The following GLIS3 variants were observed in gnomAD, a reference collection of about 807,000 sequenced individuals.
GLIS3 encodes GLIS family zinc finger 3, also known as zinc finger protein GLIS3.
GLIS3 carries 53 observed loss-of-function variants against 78.6 expected under a neutral mutation model. The ratio of observed to expected loss-of-function variants is 0.67; its 90% CI spans 0.54 to 0.85. The LOEUF (loss-of-function observed/expected upper bound fraction) is 0.85, where lower values mean the gene tolerates loss of function less well. Ranked by LOEUF, GLIS3 falls within the 40% of genes least tolerant of loss-of-function variation. The probability of loss-of-function intolerance (pLI) is 0.00; values close to 1 mark genes in which losing one functional copy is unlikely to be tolerated. For missense variants in GLIS3, 1,703 were observed against 1,231.1 expected (o/e 1.38, Z -5.74); for synonymous variants, 684 against 509.9 (o/e 1.34, Z -4.60).
intron 4 of GLIS3, among the ~76,000 whole-genome samples, chr9:4,040,096 C>A (rs1824673590): frequency 6.6e-6 from 1 of 152,088 alleles, no homozygotes; most frequent in Non-Finnish European, 1.5e-5. Flanking sequence ...AGGAAAGCCC[C>A]CTACACAGTC....
intron 4 of GLIS3, among the ~76,000 whole-genome samples, chr9:3,941,378 AT>A (rs892871733): frequency 6.6e-6 from 1 of 151,484 alleles, no homozygotes; most frequent in African/African-American, 2.4e-5. Flanking sequence ...TATTTATTTT[AT>A]TTTTTTTAAA....
chr9:4,466,478 G>A, the GLIS3 span, among the ~76,000 whole-genome samples: 1 of 152,088 alleles, frequency 6.6e-6, no homozygotes, highest in East Asian at 1.9e-4. Context: ...CGAGACAAAG[G>A]CATCACAAGA....
chr9:3,977,035 C>T lies in GLIS3; in HGVS notation c.1711-39846G>A, dbSNP rs192119141. 6.1e-4 allele frequency among the ~76,000 whole-genome samples: 93 copies of T among 152,090 alleles called. No homozygotes were observed. Among genetic ancestry groups the T allele is most frequent in the African/African-American group, 1.6e-3 (65 of 41,520 alleles). On this transcript the variant is annotated intron_variant, in intron 4 of 10. Coordinates refer to ENST00000381971, the MANE Select transcript of GLIS3 (RefSeq NM_001042413.2). The surrounding 1 kb of genome is among the most constrained non-coding windows in gnomAD (Gnocchi z 4.1). ...AAAAATTAGCTAAAATTTCAGATAA[C>T]GCAGCCTTCTGTCATGTTCTCCTAC...
chr9:4,259,551 C>T (rs1388068236), intron 2 of GLIS3, among the ~76,000 whole-genome samples: 2 of 152,194 alleles, frequency 1.3e-5, no homozygotes, highest in East Asian at 1.9e-4. Flanking sequence ...ACTCCCCCCA[C>T]CGCCCACCCC....
chr9:4,286,033 C>G lies in GLIS3; in HGVS notation c.388+5G>C. 6.2e-7 allele frequency: 1 copy of G among 1,614,096 alleles called. No homozygotes were observed. The highest frequency in any genetic ancestry group is 8.5e-7 in the Non-Finnish European group (1 of 1,179,998). On this transcript the variant is annotated splice_donor_5th_base_variant and intron_variant, in intron 2 of 10. Transcript: ENST00000381971. Reference sequence around the variant, plus strand: ...TTTTAAAAGGTTCCAGAAAGACAATCCTACCTTTCCCAGGATTTGGAGGAA... The same window carrying G: ...TTTTAAAAGGTTCCAGAAAGACAATGCTACCTTTCCCAGGATTTGGAGGAA...
chr9:4,468,469 G>C, the GLIS3 span, among the ~76,000 whole-genome samples: 1 of 152,130 alleles, frequency 6.6e-6, no homozygotes, highest in Non-Finnish European at 1.5e-5. Context: ...GAAGAGAGTG[G>C]GGGCCAATAT....
At chr9:3,984,660 G>A (rs1378875398) in intron 4 of GLIS3, among the ~76,000 whole-genome samples, 4 of 152,188 alleles carry the variant, frequency 2.6e-5, no homozygotes, top group Non-Finnish European at 5.9e-5. Context: ...CTCTTGGGAA[G>A]GCATGATTGA....
chr9:4,056,042 C>A (rs546897299), intron 4 of GLIS3, among the ~76,000 whole-genome samples: 3 of 152,238 alleles, frequency 2.0e-5, no homozygotes, highest in African/African-American at 7.2e-5. Flanking sequence ...AATACTAGGC[C>A]CTGTTTAGTT....
intron 2 of GLIS3, among the ~76,000 whole-genome samples, chr9:4,197,976 A>G (rs1252752654): frequency 6.6e-6 from 1 of 152,178 alleles, no homozygotes; most frequent in African/African-American, 2.4e-5. Context: ...GAACAAAAAT[A>G]TATATGGAAA....
At chr9:4,170,299 G>C (rs913544263) in intron 2 of GLIS3, among the ~76,000 whole-genome samples, 1 of 152,188 alleles carries the variant, frequency 6.6e-6, no homozygotes, top group African/African-American at 2.4e-5. Flanking sequence ...ACACAGACTT[G>C]GAAATAGGCT....
intron 2 of GLIS3, among the ~76,000 whole-genome samples, chr9:4,238,180 C>G (rs1822953941): frequency 6.6e-6 from 1 of 152,184 alleles, no homozygotes; most frequent in East Asian, 1.9e-4. Flanking sequence ...CCTGCCCCCT[C>G]CCGCTGCGCA....
Position 4,195,411 on chromosome 9 carries a change from G to C in GLIS3, c.389-69470C>G, listed in dbSNP as rs536692491. ...CTCGGAGAGGCCAGCCGGTGCCACC[G>C]GCCCCAGACAGTGAGGGGCTTAGCA... On this transcript the variant is annotated intron_variant, in intron 2 of 10. Coordinates refer to ENST00000381971, the MANE Select transcript of GLIS3 (RefSeq NM_001042413.2). Among the ~76,000 whole-genome samples, 4 of 152,314 alleles carry C rather than the reference G, an allele frequency of 2.6e-5. No homozygotes were observed. The South Asian group carries it at 6.2e-4, about 24-fold the overall frequency.
chr9:3,934,311 T>A (rs1825774076), intron 5 of GLIS3, among the ~76,000 whole-genome samples: 2 of 152,190 alleles, frequency 1.3e-5, no homozygotes, highest in Non-Finnish European at 2.9e-5. Context: ...ATGTTACATG[T>A]ACAAAAAGCT....
At chr9:4,206,327 T>C (rs1316962008) in intron 2 of GLIS3, among the ~76,000 whole-genome samples, 1 of 152,196 alleles carries the variant, frequency 6.6e-6, no homozygotes, top group East Asian at 1.9e-4. Context: ...TCTAAAAAAT[T>C]ACTAAAAGAC....
At chr9:4,198,682 G>A (rs1033987113) in intron 2 of GLIS3, among the ~76,000 whole-genome samples, 1 of 152,000 alleles carries the variant, frequency 6.6e-6, no homozygotes, top group African/African-American at 2.4e-5. Flanking sequence ...TGCTAGAGAG[G>A]CAGACACCTA....
the GLIS3 span, among the ~76,000 whole-genome samples, chr9:4,393,798 T>C: frequency 1.3e-5 from 2 of 152,196 alleles, no homozygotes; most frequent in South Asian, 2.1e-4. Flanking sequence ...TTTTTAGTAA[T>C]GTTAACTTTG....
intron 2 of GLIS3, among the ~76,000 whole-genome samples, chr9:4,274,089 T>C (rs1826769381): frequency 6.6e-6 from 1 of 152,054 alleles, no homozygotes; most frequent in African/African-American, 2.4e-5. Context: ...TCCCCCACCT[T>C]CCAGATGAGG....
At chr9:4,319,633 G>A (rs1587383501) in intron 2 of GLIS3, among the ~76,000 whole-genome samples, 1 of 151,840 alleles carries the variant, frequency 6.6e-6, no homozygotes, top group African/African-American at 2.4e-5. Context: ...GGGCTCAAGT[G>A]ATCCTCCTGC....
chr9:4,298,329 G>A (rs926845666), intron 1 of GLIS3: 3 of 455,562 alleles, frequency 6.6e-6, no homozygotes, highest in African/African-American at 6.0e-5. Flanking sequence ...CAGCAAGTCG[G>A]AGGGCGCGAA....
Sources: gnomAD v4.1 joint callset for allele counts (sites outside exome capture counted in the v4.1 genomes callset) on GRCh38, gnomAD v4.1.1 for gene constraint, Gnocchi (gnomAD v3.1) non-coding constraint, MANE v1.5 for transcripts, NCBI Gene and HGNC (gene_info 2026-07-23, HGNC 2026-07-21) for gene names.